Variants in POF1B observed in about 807,000 individuals in gnomAD.
POF1B encodes protein POF1B.
Under a neutral mutation model 55.3 loss-of-function variants are expected in POF1B, and 53 were observed. The ratio of observed to expected loss-of-function variants is 0.96; its 90% confidence interval spans 0.77 to 1.20. The LOEUF (loss-of-function observed/expected upper bound fraction) is 1.20, where lower values mean the gene tolerates loss of function less well. Among genes scored for constraint, POF1B ranks in the 50% most tolerant of loss-of-function variants. The pLI is 0.00. For synonymous variants in POF1B, 188 were observed against 148.3 expected, an observed-to-expected ratio of 1.27 and a Z score of -1.95; for missense variants, 478 against 420.5, an observed-to-expected ratio of 1.14 and a Z score of -1.20.
At chrX:85,313,655 G>T (rs1466627038) in intron 9 of POF1B, among the ~76,000 whole-genome samples, 1 of 110,654 alleles carries the variant, frequency 9.0e-6, no homozygotes, top group Non-Finnish European at 1.9e-5. Flanking sequence ...TTCTGTCTCT[G>T]CCAGATTTTG....
chrX:85,307,208 G>A lies in POF1B; in HGVS notation c.1119C>T (p.Tyr373=), dbSNP rs1174499325. The A allele has an allele frequency of 1.4e-5, 17 of 1,205,190 alleles. No individual in the cohort carries two copies. In the South Asian group the frequency reaches 2.3e-4, roughly 16 times the overall value. The change falls in exon 11 of 17, where the codon TAC becomes TAT. Residue 373 remains tyrosine (Y), a synonymous_variant. Transcript: ENST00000262753. The part of the protein sequence containing the change: ...LSFKDTQLKE[Y]EELLASVRAN... ...CTCTCACTGATGCCAAGAGTTCTTC[G>A]TACTCTTTTAATTGAGTGTCTTTGA...
intron 3 of POF1B, 54 bp downstream of exon 3, chrX:85,367,638 G>C: frequency 1.1e-6 from 1 of 905,847 alleles, no homozygotes; most frequent in Non-Finnish European, 1.6e-6. Context: ...ACATGAAGAA[G>C]ACTTCCATAT....
chrX:85,370,010 A>G (rs1035256764), intron 2 of POF1B, among the ~76,000 whole-genome samples: 1 of 111,874 alleles, frequency 8.9e-6, no homozygotes, highest in African/African-American at 3.2e-5. Flanking sequence ...AACCAATTCA[A>G]ATATGATGGC....
chrX:85,375,884 T>A (rs1052180498), intron 2 of POF1B, among the ~76,000 whole-genome samples: 1 of 111,894 alleles, frequency 8.9e-6, no homozygotes, highest in Non-Finnish European at 1.9e-5. Context: ...GCAACCCTTA[T>A]AACATATACA....
Position 85,333,373 on chromosome X carries a change from C to G in POF1B, c.724-2294G>C, listed in dbSNP as rs113962671. Among the ~76,000 whole-genome samples, 479 of 111,303 alleles carry G rather than the reference C, an allele frequency of 4.3e-3. 3 individuals are homozygous for G. Among genetic ancestry groups the G allele is most frequent in the African/African-American group, 0.015 (454 of 30,776 alleles). On this transcript the variant is annotated intron_variant, in intron 6 of 16. Coordinates refer to ENST00000262753, the MANE Select transcript of POF1B (RefSeq NM_024921.4). ...TATACAGATGTAAGTCTTGTTTTCTCAGCACCCTCTTTTTACCACAAAAGA... is the reference window on the plus strand; with the variant it reads ...TATACAGATGTAAGTCTTGTTTTCTGAGCACCCTCTTTTTACCACAAAAGA...
chrX:85,315,839 G>A, intron 7 of POF1B, 105 bp from the exon 8 acceptor site: 1 of 603,494 alleles, frequency 1.7e-6, no homozygotes, highest in Non-Finnish European at 2.4e-6. Context: ...TGAAATATAA[G>A]AGGACTTATT....
intron 3 of POF1B, among the ~76,000 whole-genome samples, chrX:85,363,997 G>A (rs1308437275): frequency 3.6e-5 from 4 of 111,860 alleles, no homozygotes; most frequent in African/African-American, 1.3e-4. Flanking sequence ...TTACTATTAT[G>A]TAATGCCCTT....
At chrX:85,299,010 CA>C (rs774842432) in intron 15 of POF1B, among the ~76,000 whole-genome samples, 1 of 108,803 alleles carries the variant, frequency 9.2e-6, no homozygotes, top group East Asian at 2.9e-4. Context: ...GAAATCTGGC[CA>C]AAAAAAATCA....
At chrX:85,331,175 G>C in intron 6 of POF1B, 96 bp from the exon 7 acceptor site, 2 of 893,488 alleles carry the variant, frequency 2.2e-6, no homozygotes, top group Non-Finnish European at 3.0e-6. Flanking sequence ...ACCTACTAAA[G>C]TCATCACATA....
intron 2 of POF1B, among the ~76,000 whole-genome samples, chrX:85,377,731 G>A: frequency 9.0e-6 from 1 of 111,634 alleles, no homozygotes; most frequent in East Asian, 2.8e-4. Flanking sequence ...CTTGTAAAAA[G>A]CTCAACCAAC....
At chrX:85,359,006 G>A (rs1933555412) in intron 4 of POF1B, among the ~76,000 whole-genome samples, 1 of 111,193 alleles carries the variant, frequency 9.0e-6, no homozygotes. Flanking sequence ...TTTGTGAAAT[G>A]TAAGGATTTA....
At chrX:85,321,148 A>T (rs1932833996) in intron 7 of POF1B, among the ~76,000 whole-genome samples, 1 of 111,919 alleles carries the variant, frequency 8.9e-6, no homozygotes, top group East Asian at 2.8e-4. Flanking sequence ...AAAAAAGAGA[A>T]TTTTAGACCA....
intron 7 of POF1B, among the ~76,000 whole-genome samples, chrX:85,329,205 C>A (rs1164391162): frequency 9.0e-6 from 1 of 111,526 alleles, no homozygotes. Flanking sequence ...TAATGCCTGG[C>A]ACATGGTGGA....
intron 2 of POF1B, among the ~76,000 whole-genome samples, chrX:85,368,039 T>C (rs1395532200): frequency 8.9e-6 from 1 of 112,191 alleles, no homozygotes; most frequent in African/African-American, 3.2e-5. Flanking sequence ...TCAAGAACTC[T>C]GCATTCATAT....
At position 85,315,738 on chromosome X, in the gene POF1B, C is replaced by T; in HGVS notation, c.855-4G>A. 8.6e-7 allele frequency: 1 copy of T among 1,168,172 alleles called. No homozygotes were observed. The highest frequency in any genetic ancestry group is 1.1e-6 in the Non-Finnish European group (1 of 875,481). On this transcript the variant is annotated splice_region_variant and splice_polypyrimidine_tract_variant and intron_variant, in intron 7 of 16. Coordinates refer to ENST00000262753, the MANE Select transcript of POF1B (RefSeq NM_024921.4). Reference sequence around the variant, plus strand: ...TGTAGACTCAAAGTCCTGTTTGCTGCAAGAACAAAAAAAAAGATACACAAC... The same window carrying T: ...TGTAGACTCAAAGTCCTGTTTGCTGTAAGAACAAAAAAAAAGATACACAAC...
At chrX:85,293,238 C>T (rs1208110580) in intron 15 of POF1B, among the ~76,000 whole-genome samples, 1 of 112,098 alleles carries the variant, frequency 8.9e-6, no homozygotes, top group African/African-American at 3.2e-5. Context: ...TTCACTGCAG[C>T]ACTATTCTCA....
At chrX:85,378,921 T>C (rs1407127913) in intron 2 of POF1B, among the ~76,000 whole-genome samples, 1 of 112,002 alleles carries the variant, frequency 8.9e-6, no homozygotes, top group East Asian at 2.8e-4. Context: ...TTCAGTCAGA[T>C]CAAACAGAAA....
At chrX:85,350,251 T>C (rs1239780223) in intron 5 of POF1B, among the ~76,000 whole-genome samples, 1 of 105,960 alleles carries the variant, frequency 9.4e-6, no homozygotes, top group Non-Finnish European at 1.9e-5. Flanking sequence ...TTCTCATTGC[T>C]CAATTCCCAC....
chrX:85,285,482 T>G (rs781417179), intron 15 of POF1B, among the ~76,000 whole-genome samples: 1 of 110,368 alleles, frequency 9.1e-6, no homozygotes, highest in Non-Finnish European at 1.9e-5. Flanking sequence ...TAAAAAAGGA[T>G]GAGTTCACGT....
Sources: gnomAD v4.1 joint callset for allele counts (sites outside exome capture counted in the v4.1 genomes callset) on GRCh38, gnomAD v4.1.1 for gene constraint, MANE v1.5 for transcripts, NCBI Gene and HGNC (gene_info 2026-07-23, HGNC 2026-07-21) for gene names.